The following SYNPR variants were observed in gnomAD, a reference collection of about 807,000 sequenced individuals.
SYNPR encodes the protein synaptoporin.
SYNPR carries 23 observed loss-of-function variants against 32.9 expected under a neutral mutation model. That is an observed-to-expected ratio of 0.70 (90% CI 0.50 to 0.99). The LOEUF is 0.99. SYNPR is among the 50% of genes least tolerant of loss of function. The pLI is 0.00. For missense variants in SYNPR, 318 were observed against 349.3 expected, an observed-to-expected ratio of 0.91 and a Z score of 0.71; for synonymous variants, 146 against 135.9, an observed-to-expected ratio of 1.07 and a Z score of -0.52.
Position 63,278,529 on chromosome 3 carries a change from G to T in SYNPR, c.-5G>T. On this transcript the variant is annotated 5_prime_UTR_variant, in exon 1 of 6. It introduces an in-frame stop codon into an upstream open reading frame of the 5' UTR. Transcript: ENST00000478300. ...GTGGATGAGAAGAGCGAGCGAGGGC[G>T]AGCTATGGACCCTGTGAGTCAGGTG... 6.5e-7 allele frequency: 1 copy of T among 1,548,060 alleles called. No individual in the cohort carries two copies. Among genetic ancestry groups the T allele is most frequent in the South Asian group, 1.2e-5 (1 of 83,662 alleles).
At chr3:63,232,190 G>C (rs1174695352) in intron 1 of SYNPR, among the ~76,000 whole-genome samples, 1 of 94,678 alleles carries the variant, frequency 1.1e-5, no homozygotes, top group Non-Finnish European at 2.2e-5. Context: ...TTCAGATTCT[G>C]ACTTTTTTTT....
upstream of SYNPR, among the ~76,000 whole-genome samples, chr3:63,227,113 G>A (rs967357088): frequency 2.0e-5 from 3 of 152,158 alleles, no homozygotes; most frequent in African/African-American, 7.2e-5. Context: ...CACCCCATAG[G>A]GACTTCAAAA....
chr3:63,470,774 G>T (rs377222903), intron 2 of SYNPR, among the ~76,000 whole-genome samples: 115 of 152,278 alleles, frequency 7.6e-4, no homozygotes, highest in South Asian at 1.0e-3. Flanking sequence ...GCAGTGAAAG[G>T]TGTTCAGGAA....
intron 3 of SYNPR, among the ~76,000 whole-genome samples, chr3:63,513,669 G>A (rs1701738865): frequency 6.6e-6 from 1 of 152,076 alleles, no homozygotes; most frequent in African/African-American, 2.4e-5. Context: ...GGTATAGTGG[G>A]TTGAATTGTG....
At chr3:63,264,848 C>T (rs1038013756) in intron 2 of SYNPR, among the ~76,000 whole-genome samples, 8 of 152,128 alleles carry the variant, frequency 5.3e-5, no homozygotes, top group African/African-American at 1.9e-4. Context: ...AAATTCCAGA[C>T]GCTTATAAAA....
rs368217311 is a variant in SYNPR, at chr3:63,335,186, C to T, written c.84+56444C>T. Among the ~76,000 whole-genome samples, 12 of 152,120 alleles carry T rather than the reference C, an allele frequency of 7.9e-5. No homozygotes were observed. In the South Asian group the frequency reaches 1.9e-3, roughly 24 times the overall value. ...TGGCTAACACGGTGAAACCTCGTCT[C>T]TACTGAAAAACAAAAAATTAGCCAG... On this transcript the variant is annotated intron_variant, in intron 2 of 5. Transcript: ENST00000478300.
chr3:63,441,145 G>T (rs1468440464), intron 2 of SYNPR, among the ~76,000 whole-genome samples: 1 of 152,074 alleles, frequency 6.6e-6, no homozygotes, highest in East Asian at 1.9e-4. Flanking sequence ...TTAACTCTTT[G>T]GGTCTTGGTT....
intron 2 of SYNPR, among the ~76,000 whole-genome samples, chr3:63,264,819 G>A (rs961910183): frequency 6.6e-6 from 1 of 152,268 alleles, no homozygotes; most frequent in African/African-American, 2.4e-5. Flanking sequence ...TGGAAGGACG[G>A]AGTGAGGGCA....
intron 2 of SYNPR, among the ~76,000 whole-genome samples, chr3:63,354,067 T>C (rs1008861919): frequency 6.6e-6 from 1 of 152,170 alleles, no homozygotes; most frequent in Admixed American, 6.5e-5. Flanking sequence ...GAAGAACCTC[T>C]CTATGCTTGA....
chr3:63,361,384 A>G (rs1257862499), intron 2 of SYNPR, among the ~76,000 whole-genome samples: 28 of 152,060 alleles, frequency 1.8e-4, no homozygotes, highest in Admixed American at 1.6e-3. Flanking sequence ...TCAGTAGATC[A>G]AGACCATCCT....
intron 2 of SYNPR, among the ~76,000 whole-genome samples, chr3:63,331,607 G>A (rs913189956): frequency 1.3e-5 from 2 of 151,922 alleles, no homozygotes; most frequent in Non-Finnish European, 2.9e-5. Context: ...TAGTCTAGAA[G>A]GGGCTTGGGC....
intron 3 of SYNPR, among the ~76,000 whole-genome samples, chr3:63,481,901 A>C (rs1467405986): frequency 1.3e-5 from 2 of 152,172 alleles, no homozygotes; most frequent in Non-Finnish European, 2.9e-5. Context: ...ACATGAGATC[A>C]TAAGCTCGGC....
At chr3:63,503,110 C>T (rs9846386) in intron 3 of SYNPR, among the ~76,000 whole-genome samples, 32,083 of 152,040 alleles carry the variant, frequency 0.21, 3,743 homozygotes, top group African/African-American at 0.3. Flanking sequence ...ACATTTGGTG[C>T]TATCAGTGTT....
At chr3:63,504,594 C>T (rs1287379409) in intron 3 of SYNPR, among the ~76,000 whole-genome samples, 1 of 151,996 alleles carries the variant, frequency 6.6e-6, no homozygotes, top group Non-Finnish European at 1.5e-5. Flanking sequence ...TGCTAAAATG[C>T]TATGCATTTA....
At chr3:63,317,007 G>A (rs886767043) in intron 2 of SYNPR, among the ~76,000 whole-genome samples, 1 of 151,920 alleles carries the variant, frequency 6.6e-6, no homozygotes, top group Non-Finnish European at 1.5e-5. Flanking sequence ...TCATTCAGGA[G>A]CAGGTTATTT....
At chr3:63,306,876 C>T (rs913776692) in intron 2 of SYNPR, among the ~76,000 whole-genome samples, 1 of 151,646 alleles carries the variant, frequency 6.6e-6, no homozygotes, top group African/African-American at 2.4e-5. Flanking sequence ...CCTTTTTTTT[C>T]AACTGTCATC....
chr3:63,244,621 T>C (rs900271093), intron 1 of SYNPR, among the ~76,000 whole-genome samples: 4 of 152,110 alleles, frequency 2.6e-5, no homozygotes, highest in Non-Finnish European at 5.9e-5. Flanking sequence ...TGTGTGTGAA[T>C]GACTAAGCTG....
intron 2 of SYNPR, among the ~76,000 whole-genome samples, chr3:63,358,284 C>G (rs575271463): frequency 8.5e-5 from 13 of 152,318 alleles, no homozygotes; most frequent in African/African-American, 3.1e-4. Context: ...GGCTGTGATC[C>G]TTTTGGAGAC....
intron 3 of SYNPR, among the ~76,000 whole-genome samples, chr3:63,493,989 T>G (rs1701307991): frequency 6.6e-6 from 1 of 152,024 alleles, no homozygotes; most frequent in Admixed American, 6.6e-5. Context: ...AGCTTTGATT[T>G]CCAATAGACT....
Sources: gnomAD v4.1 joint callset for allele counts (sites outside exome capture counted in the v4.1 genomes callset) on GRCh38, gnomAD v4.1.1 for gene constraint, MANE v1.5 for transcripts, NCBI Gene and HGNC (gene_info 2026-07-23, HGNC 2026-07-21) for gene names.